Variants in HS3ST2 observed in about 807,000 individuals in gnomAD.
HS3ST2 encodes the protein heparan sulfate glucosamine 3-O-sulfotransferase 2.
HS3ST2 carries 17 observed loss-of-function variants against 26.3 expected under a neutral mutation model. The observed-to-expected ratio is 0.65, with a 90% CI of 0.44 to 0.97. The LOEUF (loss-of-function observed/expected upper bound fraction) is 0.97, where lower values mean the gene tolerates loss of function less well. HS3ST2 is among the 50% of genes least tolerant of loss of function. The probability of loss-of-function intolerance (pLI) is 0.00; values close to 1 mark genes in which losing one functional copy is unlikely to be tolerated. For synonymous variants in HS3ST2, 237 were observed against 219.2 expected (o/e 1.08, Z -0.72); for missense variants, 402 against 501.2 (o/e 0.80, Z 1.89).
chr16:22,835,637 C>T (rs209453), intron 1 of HS3ST2, among the ~76,000 whole-genome samples: 39,377 of 152,000 alleles, frequency 0.26, 6,210 homozygotes, highest in African/African-American at 0.44. Context: ...TTCCTCCATA[C>T]TACTAAGTAA....
intron 1 of HS3ST2, among the ~76,000 whole-genome samples, chr16:22,863,115 TTC>T (rs2141190061): frequency 6.6e-6 from 1 of 152,360 alleles, no homozygotes; most frequent in African/African-American, 2.4e-5. Context: ...CATCTGGATT[TTC>T]TGGTAGCCTC....
chr16:22,844,723 C>A (rs1254966068), intron 1 of HS3ST2, among the ~76,000 whole-genome samples: 1 of 152,148 alleles, frequency 6.6e-6, no homozygotes. Context: ...CCATGTAAGA[C>A]GTGCTTGCTT....
intron 1 of HS3ST2, among the ~76,000 whole-genome samples, chr16:22,871,414 G>A (rs904603996): frequency 2.6e-5 from 4 of 151,936 alleles, no homozygotes; most frequent in African/African-American, 9.7e-5. Flanking sequence ...CAAACCATAA[G>A]GTGATGTAAG....
At chr16:22,914,797 G>C in intron 1 of HS3ST2, 147 bp from the exon 2 acceptor site, 1 of 454,800 alleles carries the variant, frequency 2.2e-6, no homozygotes, top group Non-Finnish European at 4.0e-6. Context: ...GATTTAAAGT[G>C]AGTACCTCAC....
chr16:22,879,489 T>C (rs1195585012), intron 1 of HS3ST2, among the ~76,000 whole-genome samples: 1 of 151,716 alleles, frequency 6.6e-6, no homozygotes, highest in Admixed American at 6.6e-5. Flanking sequence ...GTGGATGGGG[T>C]GGGGGTGATG....
intron 1 of HS3ST2, among the ~76,000 whole-genome samples, chr16:22,869,290 T>C (rs1901799384): frequency 6.6e-6 from 1 of 152,148 alleles, no homozygotes; most frequent in South Asian, 2.1e-4. Context: ...AAGGCATGGA[T>C]TTAGCATTAG....
intron 1 of HS3ST2, among the ~76,000 whole-genome samples, chr16:22,885,039 C>T (rs1319279055): frequency 6.6e-6 from 1 of 151,916 alleles, no homozygotes; most frequent in African/African-American, 2.4e-5. Context: ...TAGGGTTTCG[C>T]CATGTTAGCC....
intron 1 of HS3ST2, among the ~76,000 whole-genome samples, chr16:22,877,114 C>A (rs1028482787): frequency 1.3e-5 from 2 of 152,074 alleles, no homozygotes; most frequent in Non-Finnish European, 2.9e-5. Flanking sequence ...AGCCGTTCCC[C>A]AAAAGCTTAT....
intron 1 of HS3ST2, among the ~76,000 whole-genome samples, chr16:22,836,838 A>G (rs889491091): frequency 3.9e-5 from 6 of 152,014 alleles, no homozygotes; most frequent in African/African-American, 1.2e-4. Context: ...TTTATTTACT[A>G]GTAGAGACGG....
intron 1 of HS3ST2, among the ~76,000 whole-genome samples, chr16:22,873,998 G>A (rs758019192): frequency 2.6e-5 from 4 of 152,196 alleles, no homozygotes; most frequent in Non-Finnish European, 5.9e-5. Flanking sequence ...GAGGGCAAGC[G>A]TCAGTGCACA....
chr16:22,815,184 T>C (rs945800155), intron 1 of HS3ST2, 89 bp downstream of exon 1: 2 of 1,517,006 alleles, frequency 1.3e-6, no homozygotes, highest in Non-Finnish European at 1.8e-6. Context: ...CTCTTTCTTT[T>C]AACCCAACTC....
intron 1 of HS3ST2, among the ~76,000 whole-genome samples, chr16:22,820,063 C>T (rs1900966003): frequency 6.6e-6 from 1 of 152,214 alleles, no homozygotes; most frequent in South Asian, 2.1e-4. Context: ...CACCTGCATG[C>T]ACAATTGCAG....
intron 1 of HS3ST2, among the ~76,000 whole-genome samples, chr16:22,895,268 T>G (rs1174114921): frequency 2.0e-5 from 3 of 152,046 alleles, no homozygotes; most frequent in Non-Finnish European, 2.9e-5. Flanking sequence ...TTTTGTATTT[T>G]CAGTAGAGAC....
At chr16:22,844,410 G>A (rs527816299) in intron 1 of HS3ST2, among the ~76,000 whole-genome samples, 1 of 152,162 alleles carries the variant, frequency 6.6e-6, no homozygotes, top group East Asian at 1.9e-4. Context: ...CCTTCCCCAG[G>A]GTGGCAACCT....
intron 1 of HS3ST2, among the ~76,000 whole-genome samples, chr16:22,853,206 C>T (rs1424836436): frequency 6.6e-6 from 1 of 152,056 alleles, no homozygotes; most frequent in African/African-American, 2.4e-5. Context: ...ACAGTCGCTA[C>T]CCCCACAAAT....
At chr16:22,832,930 C>G (rs1901196138) in intron 1 of HS3ST2, among the ~76,000 whole-genome samples, 1 of 152,016 alleles carries the variant, frequency 6.6e-6, no homozygotes, top group South Asian at 2.1e-4. Flanking sequence ...CAGCAAGGAC[C>G]AAACCTTCCT....
chr16:22,885,259 A>G (rs1027538455), intron 1 of HS3ST2, among the ~76,000 whole-genome samples: 3 of 152,010 alleles, frequency 2.0e-5, no homozygotes, highest in Admixed American at 6.5e-5. Context: ...TTGTTTCTGT[A>G]AGCCTCCAAT....
At chr16:22,822,445 G>A (rs1232598896) in intron 1 of HS3ST2, among the ~76,000 whole-genome samples, 1 of 152,134 alleles carries the variant, frequency 6.6e-6, no homozygotes, top group Admixed American at 6.5e-5. Context: ...TGGGATTACA[G>A]GTGTGAGCCA....
intron 1 of HS3ST2, among the ~76,000 whole-genome samples, chr16:22,849,035 G>T (rs529172696): frequency 2.6e-5 from 4 of 152,200 alleles, no homozygotes; most frequent in Non-Finnish European, 5.9e-5. Context: ...GACTCACTGT[G>T]CTTTGGGTGG....
Sources: allele counts gnomAD v4.1 joint callset (sites outside exome capture counted in the v4.1 genomes callset), GRCh38; gene constraint gnomAD v4.1.1; transcripts MANE v1.5; gene names NCBI Gene and HGNC (gene_info 2026-07-23, HGNC 2026-07-21).